Variants in PKHD1 observed in about 807,000 individuals in gnomAD.
PKHD1 encodes PKHD1 ciliary IPT domain containing fibrocystin/polyductin.
A neutral mutation model predicts 412.0 loss-of-function variants in PKHD1; 291 were observed. That is an observed-to-expected ratio of 0.71 (90% CI 0.64 to 0.78). The LOEUF is 0.78. Ranked by LOEUF, PKHD1 falls within the 30% of genes least tolerant of loss-of-function variation. The probability of loss-of-function intolerance (pLI) is 0.00; values close to 1 mark genes in which losing one functional copy is unlikely to be tolerated. For synonymous variants in PKHD1, 1,777 were observed against 1,821.5 expected (o/e 0.98, Z 0.62); for missense variants, 4,825 against 4,950.7 (o/e 0.97, Z 0.76).
Position 52,010,327 on chromosome 6 carries a change from G to T in PKHD1, c.5733C>A (p.Arg1911=). Residue 1911 remains arginine (R), a synonymous_variant, in exon 35 of 67, where the codon CGC becomes CGA. Transcript: ENST00000371117. ...ITVKITEIRK[R]WGQNTQGNFS... ...ATTATACCTGAGTGTTCTGGCCCCA[G>T]CGTTTCCGTATCTCAGTAATCTTGA... 1 of 1,613,834 alleles carries T rather than the reference G, an allele frequency of 6.2e-7. No homozygotes were observed. The highest frequency in any genetic ancestry group is 1.7e-5 in the Admixed American group (1 of 60,012).
At chr6:51,813,739 G>A (rs952206258) in intron 52 of PKHD1, among the ~76,000 whole-genome samples, 1 of 152,144 alleles carries the variant, frequency 6.6e-6, no homozygotes, top group Non-Finnish European at 1.5e-5. Flanking sequence ...GAAAAGAAAA[G>A]ATATCGGAAT....
Position 52,054,082 on chromosome 6 carries a change from C to G in PKHD1, c.1920G>C (p.Lys640Asn). ...SFTIGFQNMV[K>N]NTTCDWSLTR... ...TGAGACTCCAGTCACAGGTGGTATT[C>G]TTTACCATGTTTTGAAAGCCGATTG... Residue 640 changes from lysine (K) to asparagine (N), a missense_variant, in exon 20 of 67, where the codon AAG (lysine) becomes AAC (asparagine). Lys to Asn is a moderately conservative substitution (Grantham distance 94). Transcript: ENST00000371117. 1 of 1,614,026 alleles carries G rather than the reference C, an allele frequency of 6.2e-7. No individual in the cohort carries two copies. Among genetic ancestry groups the G allele is most frequent in the Non-Finnish European group, 8.5e-7 (1 of 1,179,890 alleles).
chr6:52,066,162 T>A, intron 11 of PKHD1, 85 bp from the exon 12 acceptor site: 1 of 662,150 alleles, frequency 1.5e-6, no homozygotes, highest in South Asian at 1.8e-5. Context: ...ATAGGAGATA[T>A]TAATAATTTC....
intron 60 of PKHD1, among the ~76,000 whole-genome samples, chr6:51,679,546 C>A (rs1180726585): frequency 6.6e-6 from 1 of 151,738 alleles, no homozygotes; most frequent in African/African-American, 2.4e-5. Flanking sequence ...AAGATCTGCA[C>A]TGGGAATACA....
In PKHD1 at chr6:51,906,359, A is replaced by C; in HGVS notation, c.6683-19T>G. 2 of 1,604,050 alleles carry C rather than the reference A, an allele frequency of 1.2e-6. No individual in the cohort carries two copies. The highest frequency in any genetic ancestry group is 1.7e-6 in the Non-Finnish European group (2 of 1,171,398). ...AAAGACTCTGAATAGGAAAGAGTAA[A>C]GTAAAAATTAGATATGGCTCCTGAG... is the stretch of plus-strand genomic sequence containing the variant. On this transcript the variant is annotated intron_variant, in intron 40 of 66. Transcript: ENST00000371117.
chr6:51,854,847 C>G (rs1772985169), intron 49 of PKHD1, among the ~76,000 whole-genome samples: 1 of 152,208 alleles, frequency 6.6e-6, no homozygotes, highest in Admixed American at 6.5e-5. Flanking sequence ...ATCCACAGAG[C>G]TTAGCATGTT....
At chr6:51,635,046 C>T (rs990948003) in intron 64 of PKHD1, among the ~76,000 whole-genome samples, 1 of 152,150 alleles carries the variant, frequency 6.6e-6, no homozygotes, top group Non-Finnish European at 1.5e-5. Context: ...CCTGCTTCAG[C>T]CTGCCAGGTG....
chr6:51,680,679 A>G (rs1040749131), intron 60 of PKHD1, among the ~76,000 whole-genome samples: 1 of 152,098 alleles, frequency 6.6e-6, no homozygotes, highest in African/African-American at 2.4e-5. Context: ...TATTACAGAC[A>G]GCCTGCTACC....
intron 60 of PKHD1, among the ~76,000 whole-genome samples, chr6:51,671,465 G>A (rs992836823): frequency 6.6e-6 from 1 of 152,110 alleles, no homozygotes; most frequent in African/African-American, 2.4e-5. Flanking sequence ...TTTTTTCAAA[G>A]TTTTCAACTT....
chr6:51,869,908 G>A (rs914243326), intron 47 of PKHD1, among the ~76,000 whole-genome samples: 7 of 152,030 alleles, frequency 4.6e-5, no homozygotes, highest in African/African-American at 1.2e-4. Context: ...GGCTGTTTAC[G>A]ATGATCAAAT....
intron 55 of PKHD1, among the ~76,000 whole-genome samples, chr6:51,761,740 C>T (rs747680685): frequency 2.3e-4 from 35 of 151,672 alleles, no homozygotes; most frequent in Non-Finnish European, 4.6e-4. Context: ...AAAAATAAAA[C>T]GAAATAAGTC....
chr6:52,074,960 TC>T (rs1811148018), intron 6 of PKHD1, among the ~76,000 whole-genome samples: 1 of 152,214 alleles, frequency 6.6e-6, no homozygotes. Context: ...GCTTGGCAGA[TC>T]TGGGCGCCAG....
intron 52 of PKHD1, among the ~76,000 whole-genome samples, chr6:51,798,603 G>A (rs144675292): frequency 3.3e-5 from 5 of 151,926 alleles, no homozygotes; most frequent in Admixed American, 1.3e-4. Context: ...ATGTGTCTAC[G>A]GAATGATCTT....
At chr6:52,011,308 C>A (rs1490141844) in intron 34 of PKHD1, among the ~76,000 whole-genome samples, 1 of 152,140 alleles carries the variant, frequency 6.6e-6, no homozygotes, top group Non-Finnish European at 1.5e-5. Context: ...GGCATTTTTG[C>A]AACTAACTCA....
At chr6:52,058,200 A>G in intron 16 of PKHD1, 123 bp downstream of exon 16, 2 of 864,702 alleles carry the variant, frequency 2.3e-6, no homozygotes, top group South Asian at 1.3e-5. Flanking sequence ...GAGATATCCT[A>G]TTTCTTTGAC....
chr6:51,954,654 T>A (rs1441303323), intron 36 of PKHD1, among the ~76,000 whole-genome samples: 1 of 152,092 alleles, frequency 6.6e-6, no homozygotes. Context: ...TGTGTATGTG[T>A]GTGGATAAAT....
intron 60 of PKHD1, among the ~76,000 whole-genome samples, chr6:51,742,735 A>G (rs759004039): frequency 2.6e-5 from 4 of 152,224 alleles, no homozygotes; most frequent in Non-Finnish European, 4.4e-5. Context: ...TTTGTGTTCT[A>G]AAAAGGATAA....
intron 52 of PKHD1, among the ~76,000 whole-genome samples, chr6:51,827,688 T>A (rs1767552184): frequency 6.6e-6 from 1 of 152,186 alleles, no homozygotes; most frequent in Non-Finnish European, 1.5e-5. Flanking sequence ...GGCTATTTGT[T>A]GTATTATTGT....
rs1220149658 is a variant in PKHD1 at position 51,659,175 on chromosome 6, G to T, written c.10951C>A (p.Pro3651Thr). The part of the protein sequence containing the change: ...MMEMNSHRAS[P>T]PMTVETISKV... ...GAGATAGTTTCCACAGTCATTGGGG[G>T]TGAAGCCCTATGTGAGTTCATTTCC... The change falls in exon 61 of 67, where the codon CCC (proline) becomes ACC (threonine). Residue 3651 changes from proline to threonine, a missense_variant. Physicochemically the swap from Pro to Thr is conservative, Grantham distance 38 (BLOSUM62 -1). Transcript: ENST00000371117. 1 of 1,613,644 alleles carries T rather than the reference G, an allele frequency of 6.2e-7. No homozygotes were observed. Among genetic ancestry groups the T allele is most frequent in the South Asian group, 1.1e-5 (1 of 91,082 alleles).
Sources: gnomAD v4.1 joint callset for allele counts (sites outside exome capture counted in the v4.1 genomes callset) on GRCh38, gnomAD v4.1.1 for gene constraint, MANE v1.5 for transcripts, NCBI Gene and HGNC (gene_info 2026-07-23, HGNC 2026-07-21) for gene names.